ANTXR1: variants seen among roughly 807,000 people sequenced by gnomAD.
ANTXR1 encodes the protein ANTXR cell adhesion molecule 1.
Under a neutral mutation model 78.1 loss-of-function variants are expected in ANTXR1, and 19 were observed. The ratio of observed to expected loss-of-function variants is 0.24; its 90% confidence interval spans 0.17 to 0.36. The LOEUF is 0.36. Ranked by LOEUF, ANTXR1 falls within the 10% of genes least tolerant of loss-of-function variation. ANTXR1 has a pLI of 1.00. For synonymous variants in ANTXR1, 273 were observed against 260.5 expected (o/e 1.05, Z -0.46); for missense variants, 518 against 718.6 (o/e 0.72, Z 3.19).
At chr2:69,154,556 C>T (rs760661287) in intron 13 of ANTXR1, among the ~76,000 whole-genome samples, 1 of 152,296 alleles carries the variant, frequency 6.6e-6, no homozygotes, top group Admixed American at 6.5e-5. Flanking sequence ...TCCCGAGATA[C>T]AGCACCCCTC....
At chr2:69,059,761 T>C (rs1215133392) in intron 3 of ANTXR1, among the ~76,000 whole-genome samples, 1 of 152,250 alleles carries the variant, frequency 6.6e-6, no homozygotes, top group Non-Finnish European at 1.5e-5. Context: ...AGAGTCACTT[T>C]ACTTCAATAT....
Position 69,123,007 on chromosome 2 carries a change from C to T in ANTXR1, c.803-10C>T, listed in dbSNP as rs1198411181. On this transcript the variant is annotated splice_polypyrimidine_tract_variant and intron_variant, in intron 10 of 17. Transcript: ENST00000303714. ...TCCCTCTTCTTAATCCAGTGATTTC[C>T]TTTTTGCAGATGAGAAGCCCTTTTC... The T allele has an allele frequency of 6.2e-7, 1 of 1,613,738 alleles. No homozygotes were observed. Among genetic ancestry groups the T allele is most frequent in the East Asian group, 2.2e-5 (1 of 44,902 alleles).
chr2:69,077,531 T>C, intron 8 of ANTXR1, 43 bp downstream of exon 8: 1 of 1,598,482 alleles, frequency 6.3e-7, no homozygotes, highest in African/African-American at 1.3e-5. Context: ...TCAGGCACCT[T>C]CCGTCTCTGA....
chr2:69,044,648 C>T (rs1414296749), intron 2 of ANTXR1, 94 bp from the exon 3 acceptor site: 5 of 1,358,340 alleles, frequency 3.7e-6, no homozygotes, highest in Non-Finnish European at 4.2e-6. Flanking sequence ...GTTCTGGCAG[C>T]CGTGATAGAA....
intron 3 of ANTXR1, among the ~76,000 whole-genome samples, chr2:69,055,628 C>T (rs2104137771): frequency 6.6e-6 from 1 of 152,242 alleles, no homozygotes; most frequent in Admixed American, 6.5e-5. Flanking sequence ...AAAGCAAGAA[C>T]TTCTTTTAAG....
At chr2:69,224,078 T>C (rs1394958927) in intron 17 of ANTXR1, among the ~76,000 whole-genome samples, 1 of 152,348 alleles carries the variant, frequency 6.6e-6, no homozygotes, top group East Asian at 1.9e-4. Flanking sequence ...AGCCAGCTAG[T>C]GTGCCAATAG....
chr2:69,096,859 T>G (rs116488780), intron 9 of ANTXR1, among the ~76,000 whole-genome samples: 13 of 152,248 alleles, frequency 8.5e-5, no homozygotes, highest in African/African-American at 3.1e-4. Context: ...TCCTCACCAC[T>G]CTCCATTGTC....
At chr2:69,122,387 C>T (rs78385502) in intron 10 of ANTXR1, among the ~76,000 whole-genome samples, 2 of 152,144 alleles carry the variant, frequency 1.3e-5, no homozygotes, top group African/African-American at 4.8e-5. Flanking sequence ...CTTATCTCTC[C>T]AACTACCCTT....
chr2:69,187,585 CTTTTTTTT>C (rs58660678), intron 16 of ANTXR1, among the ~76,000 whole-genome samples: 3 of 94,898 alleles, frequency 3.2e-5, no homozygotes, highest in Non-Finnish European at 5.8e-5. Flanking sequence ...TCATGTATTT[CTTTTTTTT>C]TTTTTTTTTT....
At position 69,035,930 on chromosome 2, in the gene ANTXR1, G is replaced by A. The variant is rs78626570; in HGVS notation, c.153-4114G>A. Among the ~76,000 whole-genome samples the A allele has an allele frequency of 5.1e-3, 780 of 152,276 alleles. 8 individuals carry two copies. Among genetic ancestry groups the A allele is most frequent in the African/African-American group, 0.017 (703 of 41,550 alleles). The stretch of plus-strand genomic sequence containing the variant: ...AACAAATCAGGTGAACATCAAAATG[G>A]TATAAACTTTACATCAGTCAGATAG... On this transcript the variant is annotated intron_variant, in intron 1 of 17. Coordinates refer to ENST00000303714, the MANE Select transcript of ANTXR1 (RefSeq NM_032208.3).
intron 10 of ANTXR1, among the ~76,000 whole-genome samples, chr2:69,110,618 G>A (rs1671946787): frequency 6.6e-6 from 1 of 152,080 alleles, no homozygotes; most frequent in Non-Finnish European, 1.5e-5. Context: ...CAGCACTTTG[G>A]GAGGCGGAGG....
At chr2:69,148,455 A>G (rs1355442389) in intron 12 of ANTXR1, among the ~76,000 whole-genome samples, 1 of 152,148 alleles carries the variant, frequency 6.6e-6, no homozygotes, top group East Asian at 1.9e-4. Context: ...GTCTGCTGGG[A>G]GCTATGGAAC....
At chr2:69,126,771 A>G (rs1239342804) in intron 12 of ANTXR1, among the ~76,000 whole-genome samples, 3 of 152,186 alleles carry the variant, frequency 2.0e-5, no homozygotes, top group Non-Finnish European at 4.4e-5. Flanking sequence ...AAATTAGAAG[A>G]ATTCCCATTG....
chr2:69,182,839 ATC>A, intron 16 of ANTXR1, 179 bp downstream of exon 16: 1 of 804,510 alleles, frequency 1.2e-6, no homozygotes, highest in Admixed American at 2.5e-5. Context: ...TTTCCACATA[ATC>A]TGGGTTGAAA....
At chr2:69,205,064 T>C (rs1674862816) in intron 17 of ANTXR1, among the ~76,000 whole-genome samples, 1 of 151,956 alleles carries the variant, frequency 6.6e-6, no homozygotes, top group Non-Finnish European at 1.5e-5. Context: ...CCTTGTGGAG[T>C]GTACACTGGA....
intron 17 of ANTXR1, among the ~76,000 whole-genome samples, chr2:69,230,040 C>T (rs1313324190): frequency 6.6e-6 from 1 of 152,098 alleles, no homozygotes; most frequent in African/African-American, 2.4e-5. Flanking sequence ...AGTATACTAC[C>T]CAGGGTATCT....
intron 12 of ANTXR1, chr2:69,146,032 C>T (rs1169590582): frequency 1.0e-6 from 1 of 985,442 alleles, no homozygotes; most frequent in Non-Finnish European, 1.2e-6. Flanking sequence ...AGCCATGATG[C>T]AGGGATTTGG....
At chr2:69,106,526 A>C (rs1671813935) in intron 10 of ANTXR1, among the ~76,000 whole-genome samples, 1 of 152,226 alleles carries the variant, frequency 6.6e-6, no homozygotes. Context: ...CCAAGGCATC[A>C]CACAAAAACA....
At chr2:69,186,759 T>G (rs1674426196) in intron 16 of ANTXR1, among the ~76,000 whole-genome samples, 1 of 152,238 alleles carries the variant, frequency 6.6e-6, no homozygotes, top group Non-Finnish European at 1.5e-5. Context: ...TTTACATTTT[T>G]AAAAGGTTAT....
Sources: allele counts gnomAD v4.1 joint callset (sites outside exome capture counted in the v4.1 genomes callset), GRCh38; gene constraint gnomAD v4.1.1; transcripts MANE v1.5; gene names NCBI Gene and HGNC (gene_info 2026-07-23, HGNC 2026-07-21).